The following ANGPT2 variants were observed in gnomAD, a reference collection of about 807,000 sequenced individuals.
ANGPT2 encodes angiopoietin-2.
ANGPT2 carries 28 observed loss-of-function variants against 62.9 expected under a neutral mutation model. That is an observed-to-expected ratio of 0.44 (90% CI 0.33 to 0.61). The LOEUF (loss-of-function observed/expected upper bound fraction) is 0.61. Among genes scored for constraint, ANGPT2 ranks in the 20% least tolerant of loss-of-function variants. The pLI is 0.03. For synonymous variants in ANGPT2, 284 were observed against 207.8 expected (o/e 1.37, Z -3.15); for missense variants, 727 against 594.9 (o/e 1.22, Z -2.31).
At chr8:6,559,369 A>G (rs1825165045) in intron 1 of ANGPT2, among the ~76,000 whole-genome samples, 2 of 152,140 alleles carry the variant, frequency 1.3e-5, no homozygotes, top group South Asian at 4.1e-4. Context: ...GCATAACTGC[A>G]TGGTTTCCTA....
In ANGPT2 at chr8:6,557,316, C is replaced by T. The variant is rs561319667; in HGVS notation, c.288+5331G>A. ...TTAAAAAAATATACAGGCTTGCATC[C>T]ACCATACCTACCATACTTGTGTACT... On this transcript the variant is annotated intron_variant, in intron 1 of 8. Transcript: ENST00000629816. Among the ~76,000 whole-genome samples the T allele has an allele frequency of 2.2e-4, 34 of 152,244 alleles. 1 individual carries two copies. The South Asian group carries it at 6.7e-3, about 30-fold the overall frequency.
In ANGPT2 at chr8:6,509,007, G is replaced by A. The variant is rs1814375532; in HGVS notation, c.1252C>T (p.Pro418Ser). 4 of 1,613,996 alleles carry A rather than the reference G, an allele frequency of 2.5e-6. No individual in the cohort carries two copies. Among genetic ancestry groups the A allele is most frequent in the Non-Finnish European group, 2.5e-6 (3 of 1,180,014 alleles). The change falls in exon 8 of 9, where the codon CCA becomes TCA. Residue 418 changes from proline to serine, a missense_variant. Physicochemically the swap from Pro to Ser is moderately conservative, Grantham distance 74. Coordinates refer to ENST00000629816, the MANE Select transcript of ANGPT2 (RefSeq NM_001118887.2). ...TCCTTTGTGCTAAAATCATTTCCTG[G>A]TTGGCTGATGCTGCTTATTTTGCCG... ...TAGKISSISQPGNDFSTKDGD... is the reference protein window; with the variant it reads ...TAGKISSISQSGNDFSTKDGD...
At chr8:6,515,193 C>A (rs573919495) in intron 5 of ANGPT2, among the ~76,000 whole-genome samples, 29 of 145,038 alleles carry the variant, frequency 2.0e-4, no homozygotes, top group Non-Finnish European at 3.2e-4. Context: ...AGCCTTGAAA[C>A]CTTTCACTAA....
Position 6,532,498 on chromosome 8 carries a change from A to T in ANGPT2, c.289-11T>A, listed in dbSNP as rs1563078826. The T allele has an allele frequency of 6.2e-7, 1 of 1,608,774 alleles. No homozygotes were observed. Among genetic ancestry groups the T allele is most frequent in the Admixed American group, 1.7e-5 (1 of 59,490 alleles). On this transcript the variant is annotated splice_polypyrimidine_tract_variant and intron_variant, in intron 1 of 8. Transcript: ENST00000629816. ...GATATAATTCTCAAGCTAGAAAAGAACAGTGTTAGAAGGCAGTCATTAGTC... is the reference window on the plus strand; with the variant it reads ...GATATAATTCTCAAGCTAGAAAAGATCAGTGTTAGAAGGCAGTCATTAGTC...
intron 1 of ANGPT2, among the ~76,000 whole-genome samples, chr8:6,547,037 A>ATC: frequency 6.6e-6 from 1 of 152,104 alleles, no homozygotes; most frequent in Admixed American, 6.5e-5. Flanking sequence ...TCAGAGCAAC[A>ATC]TGCACGTGTT....
At chr8:6,535,233 C>T (rs978624555) in intron 1 of ANGPT2, among the ~76,000 whole-genome samples, 2 of 152,122 alleles carry the variant, frequency 1.3e-5, no homozygotes, top group African/African-American at 4.8e-5. Flanking sequence ...TACTGCCTTC[C>T]CCCATTTCTA....
At chr8:6,525,711 A>G (rs1818203881) in intron 3 of ANGPT2, among the ~76,000 whole-genome samples, 1 of 152,278 alleles carries the variant, frequency 6.6e-6, no homozygotes, top group Non-Finnish European at 1.5e-5. Flanking sequence ...ATACACCTGT[A>G]AAATCATCAA....
At chr8:6,518,939 G>C (rs1053382588) in intron 5 of ANGPT2, among the ~76,000 whole-genome samples, 23 of 151,364 alleles carry the variant, frequency 1.5e-4, no homozygotes, top group African/African-American at 5.1e-4. Flanking sequence ...CTAAAGTTCA[G>C]TGTCTCCCAA....
In ANGPT2 at chr8:6,505,503, GTATATATAGAATATATA is replaced by G. The variant is rs1813383872; in HGVS notation, c.1328-2259_1328-2243del. Among the ~76,000 whole-genome samples, 3 of 4,020 alleles carry G rather than the reference GTATATATAGAATATATA, an allele frequency of 7.5e-4. No individual in the cohort carries two copies. In the South Asian group the frequency reaches 0.056, roughly 74 times the overall value. The allele number at this position is 4,020 out of a possible 152,430, so 2.6% of individuals were successfully genotyped here. On this transcript the variant is annotated intron_variant, in intron 8 of 8. Transcript: ENST00000629816. Reference sequence around the variant, plus strand: ...TAGAATATATATATTCTTTATATATGTATATATAGAATATATATTCTTTATATATGTATATATAGAAT... The same window carrying G: ...TAGAATATATATATTCTTTATATATGTTCTTTATATATGTATATATAGAAT...
chr8:6,505,776 CTT>C (rs61248359), intron 8 of ANGPT2, among the ~76,000 whole-genome samples: 6,896 of 126,840 alleles, frequency 0.054, 283 homozygotes, highest in African/African-American at 0.067. Flanking sequence ...TATATATATT[CTT>C]TATATATGTA....
intron 8 of ANGPT2, chr8:6,507,879 G>C (rs972821612): frequency 6.6e-6 from 1 of 151,916 alleles, no homozygotes; most frequent in African/African-American, 2.4e-5. Flanking sequence ...CACCGGGCCC[G>C]GCCAGAAAAA....
At chr8:6,512,849 T>G (rs1431577647) in intron 7 of ANGPT2, among the ~76,000 whole-genome samples, 2 of 152,224 alleles carry the variant, frequency 1.3e-5, no homozygotes, top group South Asian at 2.1e-4. Flanking sequence ...GTGAATCTGA[T>G]GTATTTCCTG....
chr8:6,510,725 A>C (rs925586813), intron 7 of ANGPT2, among the ~76,000 whole-genome samples: 3 of 152,236 alleles, frequency 2.0e-5, no homozygotes, highest in Admixed American at 6.5e-5. Flanking sequence ...GTGCACACCT[A>C]AACAGAGATG....
At chr8:6,529,630 T>TG (rs1172995107) in intron 2 of ANGPT2, among the ~76,000 whole-genome samples, 1 of 148,950 alleles carries the variant, frequency 6.7e-6, no homozygotes, top group Non-Finnish European at 1.5e-5. Flanking sequence ...CTAATTTTTT[T>TG]TTTTTTTTTT....
At chr8:6,504,774 G>C (rs1812941788) in intron 8 of ANGPT2, among the ~76,000 whole-genome samples, 1 of 152,110 alleles carries the variant, frequency 6.6e-6, no homozygotes, top group South Asian at 2.1e-4. Context: ...TTATTGTTAA[G>C]TCTCTTGTGA....
intron 1 of ANGPT2, among the ~76,000 whole-genome samples, chr8:6,560,977 A>G (rs988904174): frequency 5.3e-5 from 8 of 152,246 alleles, no homozygotes; most frequent in Non-Finnish European, 7.3e-5. Flanking sequence ...ACTGCAGTGC[A>G]TCTTTCATGC....
At chr8:6,556,907 C>G (rs1350441691) in intron 1 of ANGPT2, among the ~76,000 whole-genome samples, 2 of 152,146 alleles carry the variant, frequency 1.3e-5, no homozygotes, top group Non-Finnish European at 1.5e-5. Flanking sequence ...TTTCTTCCCC[C>G]TCTGACTTCT....
In ANGPT2 at chr8:6,499,953, T is replaced by G; in HGVS notation, c.*3148A>C. 1 of 1,593,478 alleles carries G rather than the reference T, an allele frequency of 6.3e-7. No homozygotes were observed. The highest frequency in any genetic ancestry group is 8.6e-7 in the Non-Finnish European group (1 of 1,161,494). Reference sequence around the variant, plus strand: ...CCGTAAGTCAGATGTTGTTTTACGATGGTAAATGCAGTTTGCTGTTCTCAA... The same window carrying G: ...CCGTAAGTCAGATGTTGTTTTACGAGGGTAAATGCAGTTTGCTGTTCTCAA... On this transcript the variant is annotated 3_prime_UTR_variant, in exon 9 of 9. Transcript: ENST00000629816.
At chr8:6,504,206 T>C (rs1404625220) in intron 8 of ANGPT2, among the ~76,000 whole-genome samples, 1 of 149,156 alleles carries the variant, frequency 6.7e-6, no homozygotes, top group Non-Finnish European at 1.5e-5. Context: ...TAGTCCCAGC[T>C]ACTCGGGAGG....
Sources: allele counts gnomAD v4.1 joint callset (sites outside exome capture counted in the v4.1 genomes callset), GRCh38; gene constraint gnomAD v4.1.1; transcripts MANE v1.5; gene names NCBI Gene and HGNC (gene_info 2026-07-23, HGNC 2026-07-21).